The following ANKRD44 variants were observed in gnomAD, a reference collection of about 807,000 sequenced individuals.
The protein encoded by ANKRD44 is ankyrin repeat domain 44.
A neutral mutation model predicts 116.0 loss-of-function variants in ANKRD44; 35 were observed. The observed-to-expected ratio is 0.30, with a 90% CI of 0.23 to 0.40. The LOEUF (loss-of-function observed/expected upper bound fraction) is 0.40, where lower values mean the gene tolerates loss of function less well. Ranked by LOEUF, ANKRD44 falls within the 10% of genes least tolerant of loss-of-function variation. The pLI, the probability that ANKRD44 is intolerant of heterozygous loss-of-function variation, is 1.00. For synonymous variants in ANKRD44, 435 were observed against 461.8 expected (o/e 0.94, Z 0.74); for missense variants, 1,014 against 1,242.6 (o/e 0.82, Z 2.77).
chr2:197,292,477 A>C (rs902678517), intron 1 of ANKRD44, among the ~76,000 whole-genome samples: 136 of 152,370 alleles, frequency 8.9e-4, no homozygotes, highest in African/African-American at 3.1e-3. Context: ...CTCAAATCAC[A>C]ATAGTGTTTA....
Position 197,251,375 on chromosome 2 carries a change from G to A in ANKRD44, c.27+59203C>T, listed in dbSNP as rs559799599. Among the ~76,000 whole-genome samples, 5 of 152,206 alleles carry A rather than the reference G, an allele frequency of 3.3e-5. No homozygotes were observed. The South Asian group carries it at 1.0e-3, about 32-fold the overall frequency. On this transcript the variant is annotated intron_variant, in intron 1 of 27. Transcript: ENST00000282272. The stretch of plus-strand genomic sequence containing the variant: ...TCCTTTAGAATAAATTCCAGGGAGT[G>A]GGTTACTAGGTCAAAGAGTCTGGAC...
chr2:197,139,736 G>A (rs1485183117), intron 3 of ANKRD44, among the ~76,000 whole-genome samples: 1 of 151,596 alleles, frequency 6.6e-6, no homozygotes, highest in Non-Finnish European at 1.5e-5. Context: ...ATTCTCCATA[G>A]TTTTCTGTAT....
At chr2:197,293,547 A>T (rs1264687400) in intron 1 of ANKRD44, among the ~76,000 whole-genome samples, 1 of 152,236 alleles carries the variant, frequency 6.6e-6, no homozygotes, top group Non-Finnish European at 1.5e-5. Context: ...TGTTCCCTTC[A>T]GATGGCCAAT....
intron 1 of ANKRD44, among the ~76,000 whole-genome samples, chr2:197,275,716 T>C (rs1474621156): frequency 6.6e-6 from 1 of 151,690 alleles, no homozygotes; most frequent in Non-Finnish European, 1.5e-5. Flanking sequence ...TTTTGGTCGT[T>C]ACAATGATTA....
intron 3 of ANKRD44, among the ~76,000 whole-genome samples, chr2:197,143,717 CCTCCCAGG>C (rs1393907855): frequency 6.6e-6 from 1 of 152,110 alleles, no homozygotes; most frequent in Non-Finnish European, 1.5e-5. Flanking sequence ...GCAACCTCTG[CCTCCCAGG>C]CTCAAGTGAT....
intron 2 of ANKRD44, among the ~76,000 whole-genome samples, chr2:197,158,955 T>TA (rs1239939762): frequency 6.6e-6 from 1 of 150,724 alleles, no homozygotes; most frequent in East Asian, 2.0e-4. Context: ...AATGCTAGAT[T>TA]AAACACACCC....
intron 2 of ANKRD44, among the ~76,000 whole-genome samples, chr2:197,150,436 C>T (rs2079614839): frequency 6.6e-6 from 1 of 152,028 alleles, no homozygotes; most frequent in Non-Finnish European, 1.5e-5. Flanking sequence ...GTAGTCCCAG[C>T]TACTTGGGAG....
chr2:197,078,969 TTGTGTGTG>T (rs59690082), intron 15 of ANKRD44, among the ~76,000 whole-genome samples, 155 bp from the exon 16 acceptor site: 11 of 147,112 alleles, frequency 7.5e-5, no homozygotes, highest in Admixed American at 1.4e-4. Context: ...GTGTTGAAAA[TTGTGTGTG>T]TGTGTGTGTG....
At chr2:197,073,690 C>T (rs748260727) in intron 16 of ANKRD44, among the ~76,000 whole-genome samples, 34 of 152,178 alleles carry the variant, frequency 2.2e-4, no homozygotes, top group Non-Finnish European at 4.3e-4. Flanking sequence ...CATTCTATCT[C>T]CTCCACTATG....
At chr2:197,050,704 T>A (rs2077091048) in intron 16 of ANKRD44, among the ~76,000 whole-genome samples, 1 of 152,104 alleles carries the variant, frequency 6.6e-6, no homozygotes, top group Admixed American at 6.6e-5. Flanking sequence ...ATTACAGGTG[T>A]GAGCCATCAC....
chr2:197,278,523 A>AT (rs1219344529), intron 1 of ANKRD44, among the ~76,000 whole-genome samples: 3 of 151,928 alleles, frequency 2.0e-5, no homozygotes, highest in East Asian at 1.9e-4. Context: ...CGCCCGGTTA[A>AT]TTTTTGTATT....
intron 2 of ANKRD44, among the ~76,000 whole-genome samples, chr2:197,154,914 T>TATATATTTCTCATATAGAAAATATAG (rs2079769660): frequency 1.3e-5 from 2 of 152,310 alleles, no homozygotes; most frequent in Non-Finnish European, 2.9e-5. Context: ...GTAACATGGA[T>TATATATTTCTCATATAGAAAATATAG]ATATATTTCT....
intron 16 of ANKRD44, among the ~76,000 whole-genome samples, chr2:197,056,861 A>T (rs907138335): frequency 1.3e-5 from 2 of 152,338 alleles, no homozygotes; most frequent in East Asian, 3.9e-4. Context: ...ATATTAAATT[A>T]ACCTACCACC....
chr2:197,065,016 C>T (rs2077400353), intron 16 of ANKRD44, among the ~76,000 whole-genome samples: 2 of 152,226 alleles, frequency 1.3e-5, no homozygotes, highest in Admixed American at 1.3e-4. Flanking sequence ...CTCAGCACCA[C>T]ATCGCACTTA....
At chr2:196,992,406 G>A (rs1174947045) in intron 27 of ANKRD44, among the ~76,000 whole-genome samples, 3 of 152,096 alleles carry the variant, frequency 2.0e-5, no homozygotes, top group Non-Finnish European at 4.4e-5. Flanking sequence ...TGCCCCAAAC[G>A]TTCCCAGGCC....
chr2:197,018,329 C>T (rs1030773452), intron 17 of ANKRD44, among the ~76,000 whole-genome samples: 1 of 152,140 alleles, frequency 6.6e-6, no homozygotes, highest in Non-Finnish European at 1.5e-5. Context: ...CCCTCAGTTT[C>T]AGCATGTCCC....
At chr2:197,164,381 GC>G (rs2080050240) in intron 2 of ANKRD44, among the ~76,000 whole-genome samples, 2 of 152,186 alleles carry the variant, frequency 1.3e-5, no homozygotes, top group Admixed American at 6.5e-5. Context: ...GAGTTCCCTG[GC>G]GGGGCCTGGT....
chr2:197,176,358 A>G (rs979312193), intron 2 of ANKRD44, among the ~76,000 whole-genome samples: 1 of 152,198 alleles, frequency 6.6e-6, no homozygotes, highest in South Asian at 2.1e-4. Flanking sequence ...ATATACATAC[A>G]TCATCTCATC....
At chr2:196,982,108 T>TTTTTTATATATATATATATATATATA (rs150861089), downstream of ANKRD44, among the ~76,000 whole-genome samples, 1 of 96,550 alleles carries the variant, frequency 1.0e-5, no homozygotes, top group African/African-American at 3.7e-5. Context: ...CTAAAAAAAA[T>TTTTTTATATATATATATATATATATA]TATATATATA....
Sources: allele counts gnomAD v4.1 joint callset (sites outside exome capture counted in the v4.1 genomes callset), GRCh38; gene constraint gnomAD v4.1.1; transcripts MANE v1.5; gene names NCBI Gene and HGNC (gene_info 2026-07-23, HGNC 2026-07-21).